COL12A1: variants seen among roughly 807,000 people sequenced by gnomAD.
COL12A1 encodes the protein collagen alpha-1(XII) chain.
A neutral mutation model predicts 349.7 loss-of-function variants in COL12A1; 114 were observed. The ratio of observed to expected loss-of-function variants is 0.33; its 90% CI spans 0.28 to 0.38. The LOEUF (loss-of-function observed/expected upper bound fraction) is 0.38, where lower values mean the gene tolerates loss of function less well. Ranked by LOEUF, COL12A1 falls within the 10% of genes least tolerant of loss-of-function variation. COL12A1 has a pLI of 1.00. For missense variants in COL12A1, 3,284 were observed against 3,756.9 expected (o/e 0.87, Z 3.29); for synonymous variants, 1,369 against 1,329.0 (o/e 1.03, Z -0.66).
rs926256834 is a variant in COL12A1, at chr6:75,152,269, C to T, written c.3716-19G>A. On this transcript the variant is annotated intron_variant, in intron 18 of 65. Transcript: ENST00000322507. ...GCAAGAGCTAAAATGACACCACTGG[C>T]ATTAGTGCATGTGAAAGAGAAAGAT... 6.2e-7 allele frequency: 1 copy of T among 1,613,668 alleles called. No individual in the cohort carries two copies. Among genetic ancestry groups the T allele is most frequent in the African/African-American group, 1.3e-5 (1 of 75,008 alleles).
At chr6:75,117,583 C>G (rs1373308523) in intron 46 of COL12A1, 37 bp from the exon 47 acceptor site, 1 of 1,594,764 alleles carries the variant, frequency 6.3e-7, no homozygotes, top group Admixed American at 1.7e-5. Context: ...TCACGTATCT[C>G]TTTTTCTGTC....
intron 64 of COL12A1, 72 bp downstream of exon 64, chr6:75,089,034 T>G: frequency 1.8e-6 from 2 of 1,105,000 alleles, no homozygotes; most frequent in Non-Finnish European, 2.7e-6. Context: ...GATGAAGTTG[T>G]GAATCTCTTC....
chr6:75,202,848 T>C (rs2149492715), intron 1 of COL12A1, 21 bp from the exon 2 acceptor site: 1 of 1,506,090 alleles, frequency 6.6e-7, no homozygotes, highest in South Asian at 1.2e-5. Context: ...AAGTAGTGAC[T>C]GCATCAGAAC....
At chr6:75,095,216 A>C in intron 59 of COL12A1, 37 bp from the exon 60 acceptor site, 1 of 1,531,408 alleles carries the variant, frequency 6.5e-7, no homozygotes, top group Non-Finnish European at 9.0e-7. Flanking sequence ...CTGTTATGAC[A>C]AAGGGAAAAT....
chr6:75,088,816 C>T lies in COL12A1; in HGVS notation c.9010+290G>A, dbSNP rs540986350. On this transcript the variant is annotated intron_variant, in intron 64 of 65. Coordinates refer to ENST00000322507, the MANE Select transcript of COL12A1 (RefSeq NM_004370.6). The stretch of plus-strand genomic sequence containing the variant: ...GAGATCGAGACCATCCTGGCTAACA[C>T]GGCAAAACCCCGTCTCTACTAAAAA... Among the ~76,000 whole-genome samples, 120 of 151,784 alleles carry T rather than the reference C, an allele frequency of 7.9e-4. 1 individual carries two copies. Among genetic ancestry groups the T allele is most frequent in the Non-Finnish European group, 1.4e-3 (94 of 67,940 alleles).
At chr6:75,199,888 G>C (rs1998454) in intron 2 of COL12A1, among the ~76,000 whole-genome samples, 129,439 of 152,188 alleles carry the variant, frequency 0.85, 55,983 homozygotes, top group Non-Finnish European at 0.93. Flanking sequence ...AAAGAAGAAA[G>C]GCAAAAAGTG....
At chr6:75,188,624 T>C in intron 7 of COL12A1, 89 bp from the exon 8 acceptor site, 1 of 1,376,402 alleles carries the variant, frequency 7.3e-7, no homozygotes, top group Non-Finnish European at 1.0e-6. Context: ...CTTTCACAAC[T>C]GAAGACATAT....
chr6:75,134,071 T>A, intron 32 of COL12A1, 74 bp from the exon 33 acceptor site: 1 of 1,505,480 alleles, frequency 6.6e-7, no homozygotes, highest in Non-Finnish European at 9.0e-7. Context: ...TTCACTGATA[T>A]CTCCCAGGCA....
rs1350253175 is a variant in COL12A1 at position 75,103,737 on chromosome 6, G to T, written c.8319+20C>A. On this transcript the variant is annotated intron_variant, in intron 55 of 65. Coordinates refer to ENST00000322507, the MANE Select transcript of COL12A1 (RefSeq NM_004370.6). Reference sequence around the variant, plus strand: ...TCAACATATAGATAAGAATTTAAATGCACTCTAAAATATACTTACAATTGC... The same window carrying T: ...TCAACATATAGATAAGAATTTAAATTCACTCTAAAATATACTTACAATTGC... 1 of 1,604,888 alleles carries T rather than the reference G, an allele frequency of 6.2e-7. No homozygotes were observed. The highest frequency in any genetic ancestry group is 2.2e-5 in the East Asian group (1 of 44,784).
intron 27 of COL12A1, among the ~76,000 whole-genome samples, chr6:75,139,938 C>A (rs1402604631): frequency 6.6e-6 from 1 of 152,056 alleles, no homozygotes; most frequent in Non-Finnish European, 1.5e-5. Flanking sequence ...TTACACAAAC[C>A]CCAGAGCCAT....
intron 49 of COL12A1, among the ~76,000 whole-genome samples, chr6:75,114,910 T>C (rs549226123): frequency 6.6e-6 from 1 of 152,060 alleles, no homozygotes; most frequent in African/African-American, 2.4e-5. Context: ...AGTTAAAATG[T>C]AGAAATCATA....
intron 44 of COL12A1, 84 bp downstream of exon 44, chr6:75,121,218 G>T (rs1268493630): frequency 6.2e-6 from 8 of 1,298,016 alleles, no homozygotes; most frequent in Admixed American, 2.5e-5. Flanking sequence ...AGTTTATATT[G>T]AAAAGACTTT....
chr6:75,141,381 G>A (rs1419749118), intron 27 of COL12A1, among the ~76,000 whole-genome samples: 1 of 152,188 alleles, frequency 6.6e-6, no homozygotes, highest in African/African-American at 2.4e-5. Flanking sequence ...TAAATACTAT[G>A]GAGAAACCAT....
chr6:75,151,410 T>C (rs1041283465), intron 20 of COL12A1, 123 bp from the exon 21 acceptor site: 2 of 743,322 alleles, frequency 2.7e-6, no homozygotes, highest in African/African-American at 3.6e-5. Context: ...GGTTTAATAA[T>C]TAGTTAACTA....
intron 28 of COL12A1, 51 bp from the exon 29 acceptor site, chr6:75,138,631 A>C: frequency 6.2e-7 from 1 of 1,603,864 alleles, no homozygotes. Flanking sequence ...GTCTCCACTT[A>C]CATCATACAC....
Position 75,117,597 on chromosome 6 carries a change from G to C in COL12A1, c.7355-51C>G, listed in dbSNP as rs773123983. 10 of 1,582,300 alleles carry C rather than the reference G, an allele frequency of 6.3e-6. No homozygotes were observed. In the African/African-American group the frequency reaches 1.1e-4, roughly 17 times the overall value. ...ATCACGTATCTCTTTTTCTGTCCTT[G>C]TTGTTAGAACAATGCAAAAAAATTC... On this transcript the variant is annotated intron_variant, in intron 46 of 65. Coordinates refer to ENST00000322507, the MANE Select transcript of COL12A1 (RefSeq NM_004370.6).
intron 15 of COL12A1, 152 bp downstream of exon 15, chr6:75,156,105 A>T: frequency 9.7e-7 from 1 of 1,034,480 alleles, no homozygotes; most frequent in Non-Finnish European, 1.4e-6. Flanking sequence ...TAGATTGGTA[A>T]AAATAACATG....
chr6:75,090,312 T>C lies in COL12A1; in HGVS notation c.8753-14A>G. On this transcript the variant is annotated splice_polypyrimidine_tract_variant and intron_variant, in intron 62 of 65. Transcript: ENST00000322507. This position sits in a 1 kb window ranked among gnomAD's most constrained non-coding sequence, Gnocchi z 4.1. ...TGTTCATCTGACCTACAAGCAGAAATAAGGCTTGTTAGTAAGAAACCCAAT... is the reference window on the plus strand; with the variant it reads ...TGTTCATCTGACCTACAAGCAGAAACAAGGCTTGTTAGTAAGAAACCCAAT... 1 of 1,589,460 alleles carries C rather than the reference T, an allele frequency of 6.3e-7. No individual in the cohort carries two copies. Among genetic ancestry groups the C allele is most frequent in the South Asian group, 1.1e-5 (1 of 89,616 alleles).
In COL12A1 at chr6:75,135,673, T is replaced by C. The variant is rs73749963; in HGVS notation, c.5395-818A>G. Reference sequence around the variant, plus strand: ...GGATGTGCTAGAACAAACCAGATGTTTCCAACTTAGCACTCATCCACTCAA... The same window carrying C: ...GGATGTGCTAGAACAAACCAGATGTCTCCAACTTAGCACTCATCCACTCAA... On this transcript the variant is annotated intron_variant, in intron 31 of 65. Coordinates refer to ENST00000322507, the MANE Select transcript of COL12A1 (RefSeq NM_004370.6). 1.0e-3 allele frequency among the ~76,000 whole-genome samples: 156 copies of C among 152,314 alleles called. 1 individual carries two copies. The highest frequency in any genetic ancestry group is 3.5e-3 in the African/African-American group (145 of 41,566).
Sources: gnomAD v4.1 joint callset for allele counts (sites outside exome capture counted in the v4.1 genomes callset) on GRCh38, gnomAD v4.1.1 for gene constraint, Gnocchi (gnomAD v3.1) non-coding constraint, MANE v1.5 for transcripts, NCBI Gene and HGNC (gene_info 2026-07-23, HGNC 2026-07-21) for gene names.